Variants in TRIO observed in about 807,000 individuals in gnomAD.
The protein encoded by TRIO is trio Rho guanine nucleotide exchange factor.
Under a neutral mutation model 351.9 loss-of-function variants are expected in TRIO, and 58 were observed. The ratio of observed to expected loss-of-function variants is 0.16; its 90% CI spans 0.13 to 0.21. The LOEUF is 0.21. Among genes scored for constraint, TRIO ranks in the 10% least tolerant of loss-of-function variants. The pLI is 1.00. For missense variants in TRIO, 3,201 were observed against 4,027.8 expected (o/e 0.79, Z 5.56); for synonymous variants, 1,758 against 1,595.7 (o/e 1.10, Z -2.42).
chr5:14,169,197 C>CTTTTTTTTTTTTTT (rs3994005), intron 1 of TRIO, among the ~76,000 whole-genome samples: 2 of 140,410 alleles, frequency 1.4e-5, no homozygotes, highest in Non-Finnish European at 3.1e-5. Flanking sequence ...ATAAAACTGC[C>CTTTTTTTTTTTTTT]TTTTTTTTTT....
chr5:14,218,089 C>T (rs1377546281), intron 1 of TRIO, among the ~76,000 whole-genome samples: 1 of 152,114 alleles, frequency 6.6e-6, no homozygotes, highest in Non-Finnish European at 1.5e-5. Flanking sequence ...CGTTTACCTT[C>T]CCAAAACAGG....
intron 1 of TRIO, among the ~76,000 whole-genome samples, chr5:14,145,127 C>A (rs1287361711): frequency 6.6e-6 from 1 of 152,150 alleles, no homozygotes; most frequent in East Asian, 1.9e-4. Context: ...CTGGGGGACG[C>A]GCGGGAGGTC....
intron 11 of TRIO, among the ~76,000 whole-genome samples, chr5:14,342,575 C>A (rs536883025): frequency 6.6e-6 from 1 of 152,208 alleles, no homozygotes; most frequent in Non-Finnish European, 1.5e-5. Flanking sequence ...AGAACACAGT[C>A]ATTTTCTGAA....
At chr5:14,232,685 A>G in intron 1 of TRIO, among the ~76,000 whole-genome samples, 1 of 152,268 alleles carries the variant, frequency 6.6e-6, no homozygotes, top group East Asian at 1.9e-4. Context: ...CGAGGTGTGT[A>G]TCCTTTGAGC....
In TRIO at chr5:14,504,381, C is replaced by T; in HGVS notation, c.8412-12C>T. 2 of 1,613,854 alleles carry T rather than the reference C, an allele frequency of 1.2e-6. No homozygotes were observed. Among genetic ancestry groups the T allele is most frequent in the Non-Finnish European group, 1.7e-6 (2 of 1,179,856 alleles). On this transcript the variant is annotated splice_polypyrimidine_tract_variant and intron_variant, in intron 54 of 56. Coordinates refer to ENST00000344204, the MANE Select transcript of TRIO (RefSeq NM_007118.4). ...CAGCCTCTGCAAATGGTCCCCCTGA[C>T]ATATTTTACAGGGGCAGATTCTCTG...
intron 1 of TRIO, among the ~76,000 whole-genome samples, chr5:14,188,735 T>A (rs184130987): frequency 1.3e-5 from 2 of 152,212 alleles, no homozygotes; most frequent in African/African-American, 4.8e-5. Flanking sequence ...CTTTGACCCA[T>A]TGATGCTTTT....
intron 1 of TRIO, among the ~76,000 whole-genome samples, chr5:14,185,227 C>T (rs1483284181): frequency 6.7e-6 from 1 of 149,998 alleles, no homozygotes; most frequent in Non-Finnish European, 1.5e-5. Context: ...GGTGTTCTCA[C>T]CCTTGAAACC....
chr5:14,267,645 C>T (rs530767486), intron 1 of TRIO, among the ~76,000 whole-genome samples: 1 of 152,228 alleles, frequency 6.6e-6, no homozygotes, highest in African/African-American at 2.4e-5. Flanking sequence ...ACACAGCCTG[C>T]CTTTTTGATC....
At chr5:14,313,325 G>A (rs1209375474) in intron 8 of TRIO, among the ~76,000 whole-genome samples, 4 of 152,160 alleles carry the variant, frequency 2.6e-5, no homozygotes, top group East Asian at 1.9e-4. Flanking sequence ...CCCCTCCACC[G>A]CCATGAGCAA....
chr5:14,497,018 G>A lies in TRIO; in HGVS notation c.8019+1G>A. Reference sequence around the variant, plus strand: ...ACTCAGCAACAAGGTATCTGTGAAGGTGTGTTCGGGGGTCTTCAGGAGTCC... The same window carrying A: ...ACTCAGCAACAAGGTATCTGTGAAGATGTGTTCGGGGGTCTTCAGGAGTCC... On this transcript the variant is annotated splice_donor_variant, in intron 50 of 56. Transcript: ENST00000344204. LOFTEE classifies it high-confidence loss of function. The surrounding 1 kb of genome is among the most constrained non-coding windows in gnomAD (Gnocchi z 4.4). 6.2e-7 allele frequency: 1 copy of A among 1,614,166 alleles called. No individual in the cohort carries two copies. Among genetic ancestry groups the A allele is most frequent in the Non-Finnish European group, 8.5e-7 (1 of 1,180,012 alleles).
chr5:14,464,869 A>G (rs1208429047), intron 36 of TRIO, among the ~76,000 whole-genome samples: 1 of 152,130 alleles, frequency 6.6e-6, no homozygotes, highest in Non-Finnish European at 1.5e-5. Flanking sequence ...CGAACTTAGT[A>G]GCCCCTCCCC....
At chr5:14,498,411 A>C (rs932391548) in intron 52 of TRIO, 108 bp from the exon 53 acceptor site, 1 of 1,520,706 alleles carries the variant, frequency 6.6e-7, no homozygotes, top group African/African-American at 1.4e-5. Context: ...ACAGCTCCTC[A>C]TCAGCACTTG....
intron 33 of TRIO, among the ~76,000 whole-genome samples, chr5:14,410,173 G>A (rs549692683): frequency 2.0e-5 from 3 of 152,288 alleles, no homozygotes; most frequent in South Asian, 4.1e-4. Flanking sequence ...GGGATTAAAC[G>A]GCGTATGAGA....
intron 1 of TRIO, among the ~76,000 whole-genome samples, chr5:14,218,755 G>T (rs1227799814): frequency 6.6e-6 from 1 of 152,218 alleles, no homozygotes; most frequent in South Asian, 2.1e-4. Flanking sequence ...TGCTGTGGGG[G>T]TTCCGCGGCC....
At chr5:14,327,645 G>A (rs1740503741) in intron 9 of TRIO, among the ~76,000 whole-genome samples, 1 of 152,118 alleles carries the variant, frequency 6.6e-6, no homozygotes, top group East Asian at 1.9e-4. Flanking sequence ...CGTAAGTTAA[G>A]TAATATACCG....
Position 14,390,882 on chromosome 5 carries a change from T to G in TRIO, c.4129-19T>G, listed in dbSNP as rs781213777. ...ACTTGTTATGATTTAAATGAGATCTTTTTTTTTTTGGCTTACAGGCAGACA... is the reference window on the plus strand; with the variant it reads ...ACTTGTTATGATTTAAATGAGATCTGTTTTTTTTTGGCTTACAGGCAGACA... On this transcript the variant is annotated intron_variant, in intron 26 of 56. Coordinates refer to ENST00000344204, the MANE Select transcript of TRIO (RefSeq NM_007118.4). 2 of 1,428,992 alleles carry G rather than the reference T, an allele frequency of 1.4e-6. No homozygotes were observed. Among genetic ancestry groups the G allele is most frequent in the East Asian group, 2.5e-5 (1 of 39,678 alleles). The allele number at this position is 1,428,992 out of a possible 1,614,324, so 88.5% of individuals were successfully genotyped here.
At chr5:14,158,642 G>A (rs1022581814) in intron 1 of TRIO, among the ~76,000 whole-genome samples, 1 of 152,064 alleles carries the variant, frequency 6.6e-6, no homozygotes, top group South Asian at 2.1e-4. Flanking sequence ...GACCAGCCTG[G>A]GCAACATAGT....
chr5:14,490,405 C>G (rs1756398284), intron 48 of TRIO, among the ~76,000 whole-genome samples: 1 of 152,268 alleles, frequency 6.6e-6, no homozygotes, highest in East Asian at 1.9e-4. Flanking sequence ...CACAGCCCGG[C>G]TCCCTCTTCC....
Position 14,461,996 on chromosome 5 carries a change from G to A in TRIO, c.5496+685G>A, listed in dbSNP as rs6886855. Among the ~76,000 whole-genome samples, 531 of 152,342 alleles carry A rather than the reference G, an allele frequency of 3.5e-3. 4 individuals are homozygous for A. The highest frequency in any genetic ancestry group is 5.4e-3 in the Non-Finnish European group (368 of 68,024). ...AGAAACAGAATTCCTTCAGGATGCT[G>A]GAGATGGCCTTCAGCACTGGTGGTG... On this transcript the variant is annotated intron_variant, in intron 35 of 56. Transcript: ENST00000344204.
Sources: allele counts gnomAD v4.1 joint callset (sites outside exome capture counted in the v4.1 genomes callset), GRCh38; gene constraint gnomAD v4.1.1; non-coding constraint Gnocchi (gnomAD v3.1); transcripts MANE v1.5; gene names NCBI Gene and HGNC (gene_info 2026-07-23, HGNC 2026-07-21).